MAMDC2: variants seen among roughly 807,000 people sequenced by gnomAD.
MAMDC2 encodes the protein MAM domain containing 2, also known as MAM domain-containing protein 2.
A neutral mutation model predicts 89.8 loss-of-function variants in MAMDC2; 57 were observed. That is an observed-to-expected ratio of 0.63 (90% confidence interval 0.51 to 0.79). The LOEUF (loss-of-function observed/expected upper bound fraction) is 0.79. MAMDC2 is among the 30% of genes least tolerant of loss of function. The pLI, the probability that MAMDC2 is intolerant of heterozygous loss-of-function variation, is 0.00. For missense variants in MAMDC2, 800 were observed against 820.6 expected, an observed-to-expected ratio of 0.97 and a Z score of 0.31; for synonymous variants, 313 against 293.4, an observed-to-expected ratio of 1.07 and a Z score of -0.68.
rs187229531 is a variant in MAMDC2 at position 70,160,683 on chromosome 9, C to T, written c.1405-8019C>T. Among the ~76,000 whole-genome samples, 13 of 152,172 alleles carry T rather than the reference C, an allele frequency of 8.5e-5. No individual in the cohort carries two copies. In the East Asian group the frequency reaches 1.9e-3, roughly 23 times the overall value. On this transcript the variant is annotated intron_variant, in intron 9 of 13. Coordinates refer to ENST00000377182, the MANE Select transcript of MAMDC2 (RefSeq NM_153267.5). ...GCGCAGAGCAGGGCAGTGATGTCTT[C>T]GGCTAAGGGTGAGAAGGACGTGGCT...
intron 2 of MAMDC2, among the ~76,000 whole-genome samples, chr9:70,096,176 C>T (rs1001834114): frequency 2.2e-4 from 34 of 152,114 alleles, no homozygotes; most frequent in African/African-American, 6.8e-4. Context: ...AGGTGCCATG[C>T]CTGGCTAATT....
intron 12 of MAMDC2, among the ~76,000 whole-genome samples, chr9:70,222,640 C>T (rs909297940): frequency 2.0e-5 from 3 of 152,176 alleles, no homozygotes; most frequent in Admixed American, 1.3e-4. Context: ...ATCAAAAGCA[C>T]AAAATCATTC....
intron 2 of MAMDC2, among the ~76,000 whole-genome samples, chr9:70,067,193 G>A (rs965211271): frequency 7.5e-4 from 115 of 152,330 alleles, no homozygotes; most frequent in African/African-American, 2.7e-3. Flanking sequence ...CTAGTATCCA[G>A]AAAAAGGCAT....
At chr9:70,194,313 A>G (rs950359156) in intron 11 of MAMDC2, 1 of 152,114 alleles carries the variant, frequency 6.6e-6, no homozygotes, top group Admixed American at 6.6e-5. Flanking sequence ...TTGAAACTTA[A>G]TGGCCAGTGT....
chr9:70,182,439 C>T (rs2032664114), intron 11 of MAMDC2, among the ~76,000 whole-genome samples: 1 of 152,122 alleles, frequency 6.6e-6, no homozygotes, highest in Admixed American at 6.6e-5. Context: ...GGTACCAGCT[C>T]CTCTTTGTAC....
At position 70,043,946 on chromosome 9, in the gene MAMDC2, G is replaced by A. The variant is rs1477492963; in HGVS notation, c.-252G>A. ...CGTCGCCCAGGACCAGCTGGGCCGC[G>A]GTCTGACCTGAGGCTGCTGCTCAGC... On this transcript the variant is annotated 5_prime_UTR_variant, in exon 1 of 14. Transcript: ENST00000377182. The A allele has an allele frequency of 8.5e-6, 5 of 588,172 alleles. No individual in the cohort carries two copies. The highest frequency in any genetic ancestry group is 1.5e-5 in the Non-Finnish European group (5 of 330,660). 36.4% of individuals were successfully genotyped at this position (588,172 alleles called of 1,614,324 possible).
At position 70,100,604 on chromosome 9, in the gene MAMDC2, T is replaced by A. The variant is rs1370264448; in HGVS notation, c.149-7607T>A. ...TCATCAGATTTCAGCCAGAATCACATCAGGAGTAAATATGCCAGATTCCAC... is the reference window on the plus strand; with the variant it reads ...TCATCAGATTTCAGCCAGAATCACAACAGGAGTAAATATGCCAGATTCCAC... On this transcript the variant is annotated intron_variant, in intron 2 of 13. Transcript: ENST00000377182. 2.0e-5 allele frequency among the ~76,000 whole-genome samples: 3 copies of A among 152,288 alleles called. No individual in the cohort carries two copies. The East Asian group carries it at 5.8e-4, about 29-fold the overall frequency.
intron 9 of MAMDC2, among the ~76,000 whole-genome samples, chr9:70,156,568 A>T (rs1322323087): frequency 6.6e-6 from 1 of 152,224 alleles, no homozygotes; most frequent in Non-Finnish European, 1.5e-5. Context: ...GCTGAGAGCA[A>T]AGTAGAAATA....
At chr9:70,191,676 G>A (rs1052834540) in intron 11 of MAMDC2, among the ~76,000 whole-genome samples, 1 of 152,100 alleles carries the variant, frequency 6.6e-6, no homozygotes, top group African/African-American at 2.4e-5. Flanking sequence ...ACCTGAGGTA[G>A]TGTTGTAGTT....
chr9:70,107,375 A>G (rs1828369812), intron 2 of MAMDC2, among the ~76,000 whole-genome samples: 2 of 152,106 alleles, frequency 1.3e-5, no homozygotes, highest in Admixed American at 1.3e-4. Flanking sequence ...AAGGAGGAGG[A>G]GAAGGACGGG....
intron 2 of MAMDC2, among the ~76,000 whole-genome samples, chr9:70,051,920 TAGATAGAC>T (rs1319578806): frequency 2.6e-5 from 4 of 151,716 alleles, no homozygotes; most frequent in Admixed American, 1.3e-4. Context: ...GATAGATAGA[TAGATAGAC>T]AGACAGATAG....
chr9:70,205,324 C>A (rs904952167), intron 11 of MAMDC2, among the ~76,000 whole-genome samples: 7 of 152,168 alleles, frequency 4.6e-5, no homozygotes, highest in African/African-American at 1.7e-4. Context: ...TAAACAATAA[C>A]TCCTCATTTA....
rs543850323 is a variant in MAMDC2 at position 70,147,510 on chromosome 9, T to C, written c.1404+3691T>C. ...TTTGTTTTTATTTTGAACATTTTTC[T>C]TGGTTCCCTTTACAACTTTAGTACA... On this transcript the variant is annotated intron_variant, in intron 9 of 13. Coordinates refer to ENST00000377182, the MANE Select transcript of MAMDC2 (RefSeq NM_153267.5). Among the ~76,000 whole-genome samples, 102 of 150,218 alleles carry C rather than the reference T, an allele frequency of 6.8e-4. 6 individuals are homozygous for C. Among genetic ancestry groups the C allele is most frequent in the African/African-American group, 2.4e-3 (98 of 40,606 alleles).
chr9:70,101,944 C>T (rs951799022), intron 2 of MAMDC2, among the ~76,000 whole-genome samples: 11 of 152,200 alleles, frequency 7.2e-5, no homozygotes, highest in Admixed American at 2.6e-4. Flanking sequence ...TTACAGAGTA[C>T]AGTGTACATG....
At position 70,226,248 on chromosome 9, in the gene MAMDC2, G is replaced by A; in HGVS notation, c.*216G>A. 1 of 351,598 alleles carries A rather than the reference G, an allele frequency of 2.8e-6. No homozygotes were observed. The highest frequency in any genetic ancestry group is 7.0e-5 in the South Asian group (1 of 14,198). 21.8% of individuals were successfully genotyped at this position (351,598 alleles called of 1,614,324 possible). A position where few individuals can be genotyped will look rare whatever the true frequency, so the allele number is the denominator to read the frequency against. ...CTGTTACTAGAAATACAGGCTACTG[G>A]TTTTGCATAGATCATTCATCTTAAT... On this transcript the variant is annotated 3_prime_UTR_variant, in exon 14 of 14. Transcript: ENST00000377182.
chr9:70,108,095 T>C, intron 2 of MAMDC2, 116 bp from the exon 3 acceptor site: 2 of 1,077,376 alleles, frequency 1.9e-6, no homozygotes, highest in East Asian at 2.5e-5. Context: ...TTTCAGTGGG[T>C]TGACAAAATA....
chr9:70,149,547 G>A (rs1222331190), intron 9 of MAMDC2, among the ~76,000 whole-genome samples: 1 of 152,168 alleles, frequency 6.6e-6, no homozygotes, highest in Admixed American at 6.5e-5. Flanking sequence ...ACCTCAGGAA[G>A]AGGGTATTGC....
chr9:70,058,543 T>C (rs1827075845), intron 2 of MAMDC2, among the ~76,000 whole-genome samples: 2 of 152,226 alleles, frequency 1.3e-5, no homozygotes, highest in African/African-American at 4.8e-5. Flanking sequence ...CTGGTGAGGG[T>C]GGGTCATTTT....
intron 11 of MAMDC2, among the ~76,000 whole-genome samples, chr9:70,208,272 T>C (rs1023841939): frequency 3.3e-5 from 5 of 152,244 alleles, no homozygotes; most frequent in African/African-American, 1.2e-4. Context: ...GAGCATGGAA[T>C]GTCCTTCCAT....
Sources: gnomAD v4.1 joint callset for allele counts (sites outside exome capture counted in the v4.1 genomes callset) on GRCh38, gnomAD v4.1.1 for gene constraint, MANE v1.5 for transcripts, NCBI Gene and HGNC (gene_info 2026-07-23, HGNC 2026-07-21) for gene names.